Variants in MICU2 observed in about 807,000 individuals in gnomAD.
MICU2 encodes calcium uptake protein 2, mitochondrial.
MICU2 carries 64 observed loss-of-function variants against 60.4 expected under a neutral mutation model. The observed-to-expected ratio is 1.06, with a 90% confidence interval of 0.87 to 1.31. The LOEUF is 1.31. Ranked by LOEUF, MICU2 falls within the 50% of genes most tolerant of loss-of-function variation. The pLI, the probability that MICU2 is intolerant of heterozygous loss-of-function variation, is 0.00. For synonymous variants in MICU2, 201 were observed against 175.0 expected (o/e 1.15, Z -1.17); for missense variants, 569 against 531.0 (o/e 1.07, Z -0.70).
At chr13:21,567,776 T>C (rs2138041247) in intron 1 of MICU2, among the ~76,000 whole-genome samples, 1 of 152,288 alleles carries the variant, frequency 6.6e-6, no homozygotes, top group East Asian at 1.9e-4. Context: ...ACATAGATTA[T>C]TTAGTTAATC....
At chr13:21,527,223 C>G (rs1886881136) in intron 4 of MICU2, among the ~76,000 whole-genome samples, 1 of 152,096 alleles carries the variant, frequency 6.6e-6, no homozygotes. Flanking sequence ...GAGAAGTGCT[C>G]TAATGTTAGC....
At chr13:21,603,295 G>A (rs1888869369) in intron 1 of MICU2, among the ~76,000 whole-genome samples, 2 of 152,202 alleles carry the variant, frequency 1.3e-5, no homozygotes, top group South Asian at 4.1e-4. Context: ...AATAGATGGA[G>A]GTTTTAGGAG....
chr13:21,576,271 C>CT lies in MICU2; in HGVS notation c.211-9328dup, dbSNP rs199775280. On this transcript the variant is annotated intron_variant, in intron 1 of 11. Coordinates refer to ENST00000382374, the MANE Select transcript of MICU2 (RefSeq NM_152726.3). ...TCTTGATTTATCTTGACTGTGATCT[C>CT]TTTTTTTTGGGCAGCTGAGAAGTAG... Among the ~76,000 whole-genome samples, 5 of 151,974 alleles carry CT rather than the reference C, an allele frequency of 3.3e-5. No individual in the cohort carries two copies. In the East Asian group the frequency reaches 5.8e-4, roughly 18 times the overall value.
At chr13:21,559,388 T>A (rs965852747) in intron 2 of MICU2, among the ~76,000 whole-genome samples, 43 of 152,232 alleles carry the variant, frequency 2.8e-4, no homozygotes, top group African/African-American at 1.0e-3. Flanking sequence ...TACACATATA[T>A]CCCACTGCAC....
chr13:21,533,716 T>C (rs1464649641), intron 4 of MICU2, among the ~76,000 whole-genome samples: 1 of 152,082 alleles, frequency 6.6e-6, no homozygotes, highest in Non-Finnish European at 1.5e-5. Context: ...TTGTGACTAA[T>C]ACACTTTGAA....
chr13:21,545,356 C>T (rs1887388919), intron 2 of MICU2, among the ~76,000 whole-genome samples: 1 of 152,148 alleles, frequency 6.6e-6, no homozygotes, highest in Non-Finnish European at 1.5e-5. Context: ...GTTAAACACC[C>T]AATATTCTCA....
At chr13:21,543,120 CT>C (rs2138006082) in intron 2 of MICU2, among the ~76,000 whole-genome samples, 1 of 152,254 alleles carries the variant, frequency 6.6e-6, no homozygotes, top group South Asian at 2.1e-4. Flanking sequence ...CTAATACATG[CT>C]TTTATTCAGT....
intron 2 of MICU2, among the ~76,000 whole-genome samples, chr13:21,555,370 G>A (rs1194386292): frequency 1.3e-5 from 2 of 152,022 alleles, no homozygotes; most frequent in African/African-American, 4.8e-5. Context: ...TTCAACATAC[G>A]AAAATCAATA....
Position 21,495,113 on chromosome 13 carries a change from T to A in MICU2, c.1200+48A>T, listed in dbSNP as rs78667061. The A allele has an allele frequency of 5.1e-3, 7,312 of 1,446,274 alleles. 200 individuals carry two copies. In the African/African-American group the frequency reaches 0.07, roughly 14 times the overall value. 89.6% of individuals were successfully genotyped at this position (1,446,274 alleles called of 1,614,324 possible). A position where few individuals can be genotyped will look rare whatever the true frequency, so the allele number is the denominator to read the frequency against. ...AATTGCCCAAATTCTAGGTTTAATA[T>A]CAGTTAATGACAATGTAAACATGTA... On this transcript the variant is annotated intron_variant, in intron 11 of 11. Coordinates refer to ENST00000382374, the MANE Select transcript of MICU2 (RefSeq NM_152726.3).
intron 9 of MICU2, chr13:21,496,551 A>G (rs866145519): frequency 1.1e-4 from 19 of 177,262 alleles, no homozygotes; most frequent in Middle Eastern, 5.2e-3. Flanking sequence ...TAGTGGACAT[A>G]GCACTGAGTA....
intron 2 of MICU2, among the ~76,000 whole-genome samples, chr13:21,541,849 G>C (rs1887290350): frequency 6.6e-6 from 1 of 152,030 alleles, no homozygotes; most frequent in Admixed American, 6.6e-5. Context: ...AGTTCTATTT[G>C]ACATGTATAT....
intron 1 of MICU2, among the ~76,000 whole-genome samples, chr13:21,572,356 C>T (rs1888130601): frequency 6.6e-6 from 1 of 152,208 alleles, no homozygotes; most frequent in East Asian, 1.9e-4. Context: ...TGAGGGAGGG[C>T]ATGTAGGAAG....
At chr13:21,571,982 C>G in intron 1 of MICU2, among the ~76,000 whole-genome samples, 1 of 152,190 alleles carries the variant, frequency 6.6e-6, no homozygotes, top group East Asian at 1.9e-4. Context: ...ATGTAAGACA[C>G]TGGAGCCTAT....
chr13:21,550,272 T>TCA (rs1169697474), intron 2 of MICU2, among the ~76,000 whole-genome samples: 1 of 152,194 alleles, frequency 6.6e-6, no homozygotes, highest in African/African-American at 2.4e-5. Context: ...GTATGGTGGC[T>TCA]CACACCTATA....
chr13:21,525,380 G>C (rs1393054908), intron 4 of MICU2, among the ~76,000 whole-genome samples: 2 of 151,422 alleles, frequency 1.3e-5, no homozygotes, highest in African/African-American at 2.4e-5. Flanking sequence ...TTTTAGTAGA[G>C]ACAGGTTTCA....
At chr13:21,551,221 CA>C (rs1462631599) in intron 2 of MICU2, 1 of 152,546 alleles carries the variant, frequency 6.6e-6, no homozygotes, top group Admixed American at 6.5e-5. Context: ...TATTCCATAC[CA>C]GCACTTTTGC....
At chr13:21,586,378 G>A (rs749069182) in intron 1 of MICU2, among the ~76,000 whole-genome samples, 3 of 152,044 alleles carry the variant, frequency 2.0e-5, no homozygotes, top group Non-Finnish European at 4.4e-5. Flanking sequence ...TATCCCTGCT[G>A]CTATGAAAAT....
chr13:21,592,506 C>G (rs1888604954), intron 1 of MICU2, among the ~76,000 whole-genome samples: 1 of 9,926 alleles, frequency 1.0e-4, no homozygotes. Flanking sequence ...CTCTCAAACT[C>G]ATTTTATGAA....
At chr13:21,536,943 T>C (rs776882467) in intron 4 of MICU2, among the ~76,000 whole-genome samples, 28 of 152,216 alleles carry the variant, frequency 1.8e-4, no homozygotes, top group Non-Finnish European at 3.5e-4. Context: ...TGAAATCACC[T>C]GCAAGTGCTT....
Sources: gnomAD v4.1 joint callset for allele counts (sites outside exome capture counted in the v4.1 genomes callset) on GRCh38, gnomAD v4.1.1 for gene constraint, MANE v1.5 for transcripts, NCBI Gene and HGNC (gene_info 2026-07-23, HGNC 2026-07-21) for gene names.